Variants in THSD7A observed in about 807,000 individuals in gnomAD.
The protein encoded by THSD7A is thrombospondin type-1 domain-containing protein 7A.
In THSD7A, 96 loss-of-function variants were observed where a neutral mutation model predicts 231.3. The observed-to-expected ratio is 0.41, with a 90% confidence interval of 0.35 to 0.49. THSD7A has a LOEUF of 0.49. Ranked by LOEUF, THSD7A falls within the 20% of genes least tolerant of loss-of-function variation. The pLI is 0.05. For synonymous variants in THSD7A, 940 were observed against 743.3 expected, an observed-to-expected ratio of 1.26 and a Z score of -4.30; for missense variants, 2,290 against 2,070.2, an observed-to-expected ratio of 1.11 and a Z score of -2.06.
intron 6 of THSD7A, among the ~76,000 whole-genome samples, chr7:11,511,519 C>T (rs1271223442): frequency 6.6e-6 from 1 of 152,216 alleles, no homozygotes; most frequent in Non-Finnish European, 1.5e-5. Context: ...CATCACGCTA[C>T]CTGACTTCAA....
At chr7:11,429,815 T>C (rs913489550) in intron 13 of THSD7A, among the ~76,000 whole-genome samples, 5 of 152,194 alleles carry the variant, frequency 3.3e-5, no homozygotes, top group African/African-American at 1.2e-4. Flanking sequence ...AGTCCAAGGT[T>C]ACACAGTAAG....
At chr7:11,535,903 T>C (rs921393507) in intron 6 of THSD7A, among the ~76,000 whole-genome samples, 5 of 152,154 alleles carry the variant, frequency 3.3e-5, no homozygotes, top group African/African-American at 4.8e-5. Flanking sequence ...ATATTTTAAC[T>C]TTTTGTCTAC....
In THSD7A at chr7:11,800,632, A is replaced by C. The variant is rs112790843; in HGVS notation, c.190+31125T>G. Among the ~76,000 whole-genome samples, 290 of 152,328 alleles carry C rather than the reference A, an allele frequency of 1.9e-3. 1 individual carries two copies. The highest frequency in any genetic ancestry group is 6.3e-3 in the African/African-American group (263 of 41,582). On this transcript the variant is annotated intron_variant, in intron 1 of 27. Coordinates refer to ENST00000423059, the MANE Select transcript of THSD7A (RefSeq NM_015204.3). The stretch of plus-strand genomic sequence containing the variant: ...GCTAAGTGAAATAAGCCAGCCTCAG[A>C]GGGCATTTACTGTATGATTCCATTT...
chr7:11,434,498 C>A (rs1784570972), intron 13 of THSD7A, among the ~76,000 whole-genome samples: 1 of 152,064 alleles, frequency 6.6e-6, no homozygotes, highest in Non-Finnish European at 1.5e-5. Context: ...TTCACAATTA[C>A]TAAATTGTGC....
chr7:11,723,809 ATGAGCAAGAAGAT>A (rs1440841756), intron 1 of THSD7A, among the ~76,000 whole-genome samples: 3 of 151,980 alleles, frequency 2.0e-5, no homozygotes, highest in African/African-American at 7.2e-5. Context: ...CCAAAGCAGA[ATGAGCAAGAAGAT>A]TGGTAGAAAA....
At chr7:11,826,142 T>C (rs1785020528) in intron 1 of THSD7A, among the ~76,000 whole-genome samples, 1 of 152,220 alleles carries the variant, frequency 6.6e-6, no homozygotes, top group African/African-American at 2.4e-5. Context: ...GCAATTACTA[T>C]GTAAAGGACA....
At chr7:11,659,741 G>A (rs1353054261) in intron 1 of THSD7A, among the ~76,000 whole-genome samples, 3 of 151,448 alleles carry the variant, frequency 2.0e-5, no homozygotes, top group Non-Finnish European at 3.0e-5. Context: ...TGAATAAAAT[G>A]TCCAGCTGCT....
intron 13 of THSD7A, among the ~76,000 whole-genome samples, chr7:11,439,535 A>G (rs1011098564): frequency 1.3e-5 from 2 of 152,070 alleles, no homozygotes; most frequent in African/African-American, 2.4e-5. Context: ...AATGCAAAGA[A>G]AAACTTCTTG....
At chr7:11,769,860 T>G (rs533953076) in intron 1 of THSD7A, among the ~76,000 whole-genome samples, 14 of 152,342 alleles carry the variant, frequency 9.2e-5, no homozygotes, top group Non-Finnish European at 1.5e-4. Context: ...GCAATATCTA[T>G]AGCAGTGATT....
chr7:11,405,279 T>C (rs573405364), intron 22 of THSD7A, among the ~76,000 whole-genome samples: 23 of 152,244 alleles, frequency 1.5e-4, no homozygotes, highest in African/African-American at 5.5e-4. Flanking sequence ...TGTTATCCAC[T>C]TTTAAAATTT....
intron 1 of THSD7A, among the ~76,000 whole-genome samples, chr7:11,674,571 A>G (rs1297388889): frequency 6.6e-6 from 1 of 152,182 alleles, no homozygotes; most frequent in Non-Finnish European, 1.5e-5. Flanking sequence ...CATCTGCAAC[A>G]AAGGAACCTG....
intron 3 of THSD7A, among the ~76,000 whole-genome samples, chr7:11,591,126 C>A (rs957050725): frequency 3.3e-5 from 5 of 150,552 alleles, no homozygotes; most frequent in Admixed American, 6.6e-5. Context: ...GACAATAAAT[C>A]AGAGTTTTCT....
At chr7:11,463,091 A>C (rs1785566759) in intron 9 of THSD7A, among the ~76,000 whole-genome samples, 1 of 152,220 alleles carries the variant, frequency 6.6e-6, no homozygotes, top group African/African-American at 2.4e-5. Flanking sequence ...AATATTTCAT[A>C]CATAGACTAC....
intron 4 of THSD7A, among the ~76,000 whole-genome samples, chr7:11,572,417 T>G (rs1183558002): frequency 6.6e-6 from 1 of 152,200 alleles, no homozygotes; most frequent in African/African-American, 2.4e-5. Context: ...ATTCTTGAAT[T>G]TCCACATCCT....
intron 1 of THSD7A, among the ~76,000 whole-genome samples, chr7:11,823,145 G>T (rs1489605551): frequency 1.3e-5 from 2 of 151,914 alleles, no homozygotes; most frequent in African/African-American, 4.8e-5. Flanking sequence ...TGAGAGATAG[G>T]GGTCTAGTTT....
intron 13 of THSD7A, among the ~76,000 whole-genome samples, chr7:11,433,337 G>C (rs1249995062): frequency 6.6e-6 from 1 of 151,848 alleles, no homozygotes; most frequent in African/African-American, 2.4e-5. Flanking sequence ...AATAGTATGA[G>C]ATGCCCAAAA....
chr7:11,734,597 C>T (rs781743504), intron 1 of THSD7A, among the ~76,000 whole-genome samples: 5 of 151,870 alleles, frequency 3.3e-5, no homozygotes, highest in Non-Finnish European at 7.4e-5. Context: ...TGTCGTATCT[C>T]GCTCTCTCAA....
At chr7:11,531,816 C>T (rs185599268) in intron 6 of THSD7A, among the ~76,000 whole-genome samples, 280 of 152,106 alleles carry the variant, frequency 1.8e-3, no homozygotes, top group African/African-American at 6.0e-3. Flanking sequence ...TATAGCAGAG[C>T]GTTGAAATGA....
rs751673559 is a variant in THSD7A at position 11,412,608 on chromosome 7, G to T, written c.3682+48C>A. The stretch of plus-strand genomic sequence containing the variant: ...TGACAGGAATGCTTCAGAGCTGACA[G>T]ACACAGGATTTGGACTTAACTCCGT... On this transcript the variant is annotated intron_variant, in intron 18 of 27. Coordinates refer to ENST00000423059, the MANE Select transcript of THSD7A (RefSeq NM_015204.3). 7 of 1,608,310 alleles carry T rather than the reference G, an allele frequency of 4.4e-6. No homozygotes were observed. In the South Asian group the frequency reaches 5.5e-5, roughly 13 times the overall value.
Sources: allele counts gnomAD v4.1 joint callset (sites outside exome capture counted in the v4.1 genomes callset), GRCh38; gene constraint gnomAD v4.1.1; transcripts MANE v1.5; gene names NCBI Gene and HGNC (gene_info 2026-07-23, HGNC 2026-07-21).